TOLLIP: variants seen among roughly 807,000 people sequenced by gnomAD.
TOLLIP encodes toll-interacting protein.
A neutral mutation model predicts 33.5 loss-of-function variants in TOLLIP; 16 were observed. That is an observed-to-expected ratio of 0.48 (90% CI 0.32 to 0.72). The LOEUF (loss-of-function observed/expected upper bound fraction) is 0.72. Among genes scored for constraint, TOLLIP ranks in the 30% least tolerant of loss-of-function variants. The probability of loss-of-function intolerance (pLI) is 0.03; values close to 1 mark genes in which losing one functional copy is unlikely to be tolerated. For missense variants in TOLLIP, 325 were observed against 396.6 expected (o/e 0.82, Z 1.53); for synonymous variants, 176 against 163.7 (o/e 1.07, Z -0.57).
At chr11:1,300,704 G>A (rs780661093) in intron 1 of TOLLIP, among the ~76,000 whole-genome samples, 2 of 152,212 alleles carry the variant, frequency 1.3e-5, no homozygotes, top group African/African-American at 2.4e-5. Flanking sequence ...AGCCCCGGAA[G>A]AGCCCAGCTC....
intron 1 of TOLLIP, among the ~76,000 whole-genome samples, chr11:1,306,406 G>C (rs1357044556): frequency 6.6e-6 from 1 of 152,068 alleles, no homozygotes; most frequent in African/African-American, 2.4e-5. Flanking sequence ...ACTAGGGGGA[G>C]GCAACGGCTA....
chr11:1,308,320 C>A (rs1446728359), intron 1 of TOLLIP, among the ~76,000 whole-genome samples: 1 of 152,226 alleles, frequency 6.6e-6, no homozygotes, highest in Admixed American at 6.5e-5. Flanking sequence ...CTCCCCACCC[C>A]CAACTCTCTT....
chr11:1,279,272 G>A (rs1863413861), intron 5 of TOLLIP, among the ~76,000 whole-genome samples: 1 of 152,252 alleles, frequency 6.6e-6, no homozygotes, highest in Non-Finnish European at 1.5e-5. Context: ...GGGGGAAGAG[G>A]TGGGTGCTTC....
rs1863332657 is a variant in TOLLIP at position 1,277,069 on chromosome 11, G to A, written c.795C>T (p.Asn265=). 10 of 1,613,948 alleles carry A rather than the reference G, an allele frequency of 6.2e-6. No individual in the cohort carries two copies. The highest frequency in any genetic ancestry group is 8.5e-6 in the Non-Finnish European group (10 of 1,179,992). Residue 265 remains asparagine (N), a synonymous_variant, in exon 6 of 6, where the codon AAC becomes AAT. Coordinates refer to ENST00000317204, the MANE Select transcript of TOLLIP (RefSeq NM_019009.4). This position sits in a 1 kb window ranked among gnomAD's most constrained non-coding sequence, Gnocchi z 4.2. ...GCTCCTCCCCCATCTGCAGCAGGGA[G>A]TTGATGGCGGCATCCTTGTTCCCTC... ...AQRGNKDAAI[N]SLLQMGEEP
At chr11:1,292,096 C>CTATG (rs1481485054) in intron 2 of TOLLIP, 4 of 152,276 alleles carry the variant, frequency 2.6e-5, no homozygotes, top group African/African-American at 9.6e-5. Context: ...CTCCGGAATG[C>CTATG]TATGGAGTGA....
chr11:1,295,708 G>C lies in TOLLIP; in HGVS notation c.120C>G (p.Ala40=). The C allele has an allele frequency of 6.2e-7, 1 of 1,611,308 alleles. No homozygotes were observed. Among genetic ancestry groups the C allele is most frequent in the Non-Finnish European group, 8.5e-7 (1 of 1,179,058 alleles). The stretch of plus-strand genomic sequence containing the variant: ...CTGCGCCTCCGTACTGCAGCTGCTG[G>C]GCCGCCTGGGCGTCCAGCTGGACCT... The part of the protein sequence containing the change: ...QRQVQLDAQA[A]QQLQYGGAVG... Residue 40 remains alanine (A), a synonymous_variant, in exon 2 of 6, where the codon GCC becomes GCG. Transcript: ENST00000317204.
At position 1,298,715 on chromosome 11, in the gene TOLLIP, G is replaced by A. The variant is rs112434701; in HGVS notation, c.34-2921C>T. 1.1e-4 allele frequency among the ~76,000 whole-genome samples: 17 copies of A among 152,350 alleles called. 1 individual carries two copies. The highest frequency in any genetic ancestry group is 1.0e-3 in the South Asian group (5 of 4,824). On this transcript the variant is annotated intron_variant, in intron 1 of 5. Transcript: ENST00000317204. ...GAAAAGGGGAGAAGCAGCTCCCTGC[G>A]GATGGAGCTCATCAGCCCCACGCAG...
chr11:1,286,419 G>A (rs1863696796), intron 4 of TOLLIP, among the ~76,000 whole-genome samples: 1 of 152,200 alleles, frequency 6.6e-6, no homozygotes, highest in Non-Finnish European at 1.5e-5. Flanking sequence ...GAACCACACT[G>A]CACTGCTGTG....
Position 1,277,822 on chromosome 11 carries a change from G to A in TOLLIP, c.611-569C>T, listed in dbSNP as rs918376683. 2.6e-5 allele frequency among the ~76,000 whole-genome samples: 4 copies of A among 152,200 alleles called. No individual in the cohort carries two copies. Among genetic ancestry groups the A allele is most frequent in the Non-Finnish European group, 5.9e-5 (4 of 68,038 alleles). On this transcript the variant is annotated intron_variant, in intron 5 of 5. Transcript: ENST00000317204. This position sits in a 1 kb window ranked among gnomAD's most constrained non-coding sequence, Gnocchi z 4.2. ...ATCACCACAGGCACTGAAGACCTCA[G>A]CAAAGCTGCAGCCGATGCCCAGAAT...
At chr11:1,285,481 G>A (rs1254182054) in intron 5 of TOLLIP, among the ~76,000 whole-genome samples, 4 of 152,252 alleles carry the variant, frequency 2.6e-5, no homozygotes, top group Admixed American at 2.6e-4. Flanking sequence ...GCTTGGTGTT[G>A]CTGCAGCCAC....
intron 1 of TOLLIP, 139 bp downstream of exon 1, chr11:1,309,327 G>A (rs1171474204): frequency 2.5e-6 from 1 of 403,904 alleles, no homozygotes; most frequent in African/African-American, 2.1e-5. Context: ...GCTCCCCTCC[G>A]GCCGGCCAGG....
chr11:1,290,345 T>G lies in TOLLIP; in HGVS notation c.248A>C (p.Tyr83Ser), dbSNP rs747682221. The change falls in exon 3 of 6, where the codon TAC (tyrosine) becomes TCC (serine). Residue 83 changes from tyrosine (Y) to serine (S), a missense_variant. Coordinates refer to ENST00000317204, the MANE Select transcript of TOLLIP (RefSeq NM_019009.4). This position sits in a 1 kb window ranked among gnomAD's most constrained non-coding sequence, Gnocchi z 4.9. ...MDPYCRLRLG[Y>S]AVYETPTAHN... The stretch of plus-strand genomic sequence containing the variant: ...TGCCGTGGGCGTCTCGTACACCGCG[T>G]AGCCCAGGCGCAGTCGGCAGTAGGG... 2.0e-5 allele frequency: 33 copies of G among 1,613,442 alleles called. No homozygotes were observed. The highest frequency in any genetic ancestry group is 2.7e-5 in the Non-Finnish European group (32 of 1,179,984).
intron 5 of TOLLIP, among the ~76,000 whole-genome samples, chr11:1,284,470 T>A (rs1863616545): frequency 6.6e-6 from 1 of 152,090 alleles, no homozygotes; most frequent in African/African-American, 2.4e-5. Flanking sequence ...TGCCTCAGCC[T>A]CCCGAGCAGC....
At chr11:1,283,713 A>T (rs1863582383) in intron 5 of TOLLIP, 1 of 387,530 alleles carries the variant, frequency 2.6e-6, no homozygotes, top group Non-Finnish European at 5.1e-6. Flanking sequence ...GAGGTAAGCC[A>T]ATCAATGTTA....
At chr11:1,280,762 C>T (rs929521012) in intron 5 of TOLLIP, among the ~76,000 whole-genome samples, 1 of 151,984 alleles carries the variant, frequency 6.6e-6, no homozygotes, top group Non-Finnish European at 1.5e-5. Context: ...TGAGGAGGGC[C>T]CCAGAGGACA....
chr11:1,300,804 C>T (rs570837729), intron 1 of TOLLIP, among the ~76,000 whole-genome samples: 7 of 152,334 alleles, frequency 4.6e-5, no homozygotes, highest in South Asian at 4.1e-4. Context: ...ACAGTCGCCC[C>T]TGAAGCACGG....
At position 1,277,104 on chromosome 11, in the gene TOLLIP, C is replaced by T; in HGVS notation, c.760G>A (p.Glu254Lys). The change falls in exon 6 of 6, where the codon GAA becomes AAA. Residue 254 changes from glutamate to lysine, a missense_variant. Coordinates refer to ENST00000317204, the MANE Select transcript of TOLLIP (RefSeq NM_019009.4). The surrounding 1 kb of genome is among the most constrained non-coding windows in gnomAD (Gnocchi z 4.2). ...MDQEVIRSVL[E>K]AQRGNKDAAI... ...GCATCCTTGTTCCCTCGCTGGGCTT[C>T]CAGCACGGAGCGGATCACCTCCTGG... The T allele has an allele frequency of 6.2e-7, 1 of 1,614,126 alleles. No homozygotes were observed. The highest frequency in any genetic ancestry group is 1.1e-5 in the South Asian group (1 of 91,086).
intron 1 of TOLLIP, 42 bp downstream of exon 1, chr11:1,309,424 G>T: frequency 1.7e-6 from 2 of 1,200,540 alleles, no homozygotes; most frequent in Non-Finnish European, 2.1e-6. Flanking sequence ...GCCCGCAACC[G>T]CAGGTCACCG....
intron 1 of TOLLIP, among the ~76,000 whole-genome samples, chr11:1,304,310 G>C (rs1174611388): frequency 6.6e-6 from 1 of 152,140 alleles, no homozygotes; most frequent in Non-Finnish European, 1.5e-5. Flanking sequence ...TCAGGACACA[G>C]AGAAAAGGCA....
Sources: allele counts gnomAD v4.1 joint callset (sites outside exome capture counted in the v4.1 genomes callset), GRCh38; gene constraint gnomAD v4.1.1; non-coding constraint Gnocchi (gnomAD v3.1); transcripts MANE v1.5; gene names NCBI Gene and HGNC (gene_info 2026-07-23, HGNC 2026-07-21).